KIRREL3: variants seen among roughly 807,000 people sequenced by gnomAD.
KIRREL3 encodes the protein kin of IRRE-like protein 3.
In KIRREL3, 36 loss-of-function variants were observed where a neutral mutation model predicts 89.7. That is an observed-to-expected ratio of 0.40 (90% CI 0.31 to 0.53). The LOEUF (loss-of-function observed/expected upper bound fraction) is 0.53. Ranked by LOEUF, KIRREL3 falls within the 20% of genes least tolerant of loss-of-function variation. The pLI is 0.49. For synonymous variants in KIRREL3, 445 were observed against 441.4 expected (o/e 1.01, Z -0.10); for missense variants, 864 against 1,056.6 (o/e 0.82, Z 2.53).
Position 126,805,963 on chromosome 11 carries a change from C to G in KIRREL3, c.55+194492G>C, listed in dbSNP as rs1005016776. ...CTGTCCTCTGAATGTGCCTGTGCCC[C>G]CAAATCCTCCCTTCAATGACATCAA... is the stretch of plus-strand genomic sequence containing the variant. On this transcript the variant is annotated intron_variant, in intron 1 of 16. Transcript: ENST00000525144. The surrounding 1 kb of genome is among the most constrained non-coding windows in gnomAD (Gnocchi z 4.3). Among the ~76,000 whole-genome samples, 1 of 152,160 alleles carries G rather than the reference C, an allele frequency of 6.6e-6. No individual in the cohort carries two copies. Among genetic ancestry groups the G allele is most frequent in the African/African-American group, 2.4e-5 (1 of 41,426 alleles).
At chr11:126,691,426 C>G (rs1350917251) in intron 1 of KIRREL3, among the ~76,000 whole-genome samples, 1 of 152,070 alleles carries the variant, frequency 6.6e-6, no homozygotes, top group African/African-American at 2.4e-5. Context: ...TTGTGGTGTG[C>G]CTATTTAATG....
rs147618027 is a variant in KIRREL3 at position 126,731,412 on chromosome 11, C to G, written c.56-168500G>C. The stretch of plus-strand genomic sequence containing the variant: ...TTACTTAGTCCTTCAAGACTCAGCC[C>G]GAATACCATTTCCTGGACAAAGCTT... On this transcript the variant is annotated intron_variant, in intron 1 of 16. Transcript: ENST00000525144. Among the ~76,000 whole-genome samples the G allele has an allele frequency of 8.1e-4, 123 of 152,336 alleles. 1 individual carries two copies. Among genetic ancestry groups the G allele is most frequent in the African/African-American group, 2.9e-3 (119 of 41,578 alleles).
rs1036710051 is a variant in KIRREL3 at position 126,652,551 on chromosome 11, A to G, written c.56-89639T>C. 6.6e-6 allele frequency among the ~76,000 whole-genome samples: 1 copy of G among 152,200 alleles called. No individual in the cohort carries two copies. Among genetic ancestry groups the G allele is most frequent in the African/African-American group, 2.4e-5 (1 of 41,444 alleles). Reference sequence around the variant, plus strand: ...GTCAGGGGGCTGTGGACAAGAGGTCAGGCCATTTGCCAAAGTCCTCCACTC... The same window carrying G: ...GTCAGGGGGCTGTGGACAAGAGGTCGGGCCATTTGCCAAAGTCCTCCACTC... On this transcript the variant is annotated intron_variant, in intron 1 of 16. Coordinates refer to ENST00000525144, the MANE Select transcript of KIRREL3 (RefSeq NM_032531.4). The surrounding 1 kb of genome is among the most constrained non-coding windows in gnomAD (Gnocchi z 4.9).
rs1255117098 is a variant in KIRREL3, at chr11:126,983,929, A to G, written c.55+16526T>C. On this transcript the variant is annotated intron_variant, in intron 1 of 16. Transcript: ENST00000525144. The surrounding 1 kb of genome is among the most constrained non-coding windows in gnomAD (Gnocchi z 4.9). ...ATGATTAACTATTTTTACTTCTCCCAAAAGTAGTACATATCTAGTATCATT... is the reference window on the plus strand; with the variant it reads ...ATGATTAACTATTTTTACTTCTCCCGAAAGTAGTACATATCTAGTATCATT... 6.6e-6 allele frequency among the ~76,000 whole-genome samples: 1 copy of G among 152,190 alleles called. No homozygotes were observed.
rs577173734 is a variant in KIRREL3 at position 126,761,628 on chromosome 11, G to T, written c.56-198716C>A. 2.6e-5 allele frequency among the ~76,000 whole-genome samples: 4 copies of T among 152,176 alleles called. No homozygotes were observed. The highest frequency in any genetic ancestry group is 1.3e-4 in the Admixed American group (2 of 15,274). On this transcript the variant is annotated intron_variant, in intron 1 of 16. Transcript: ENST00000525144. The surrounding 1 kb of genome is among the most constrained non-coding windows in gnomAD (Gnocchi z 4.4). ...TATGGTTACACTGTTATTACTTTGA[G>T]ACATAGTTACTCTTTCTTCTAAGGA...
chr11:127,000,344 C>T lies in KIRREL3; in HGVS notation c.55+111G>A, dbSNP rs754256608. 24 of 787,778 alleles carry T rather than the reference C, an allele frequency of 3.0e-5. No homozygotes were observed. Among genetic ancestry groups the T allele is most frequent in the South Asian group, 3.0e-4 (16 of 54,200 alleles). 48.8% of individuals were successfully genotyped at this position (787,778 alleles called of 1,614,324 possible). A position where few individuals can be genotyped will look rare whatever the true frequency, so the allele number is the denominator to read the frequency against. On this transcript the variant is annotated intron_variant, in intron 1 of 16. Coordinates refer to ENST00000525144, the MANE Select transcript of KIRREL3 (RefSeq NM_032531.4). This position sits in a 1 kb window ranked among gnomAD's most constrained non-coding sequence, Gnocchi z 7.1. The stretch of plus-strand genomic sequence containing the variant: ...AGCATCTCAGCCCGGCACCGAGAGA[C>T]GCATCCATCAGTCCGAGTTCCCGAA...
chr11:126,426,803 G>A (rs1246017773), intron 15 of KIRREL3, among the ~76,000 whole-genome samples: 1 of 152,146 alleles, frequency 6.6e-6, no homozygotes, highest in Non-Finnish European at 1.5e-5. Flanking sequence ...GCCAAAGTGC[G>A]GCCACCCGGC....
At position 126,797,676 on chromosome 11, in the gene KIRREL3, A is replaced by G. The variant is rs1950857174; in HGVS notation, c.55+202779T>C. ...GGAGTCTCAGCATCCAAGCACAATC[A>G]GCACTGGGTCGATGTATATGAGGAA... On this transcript the variant is annotated intron_variant, in intron 1 of 16. Coordinates refer to ENST00000525144, the MANE Select transcript of KIRREL3 (RefSeq NM_032531.4). The surrounding 1 kb of genome is among the most constrained non-coding windows in gnomAD (Gnocchi z 4.9). Among the ~76,000 whole-genome samples, 1 of 152,164 alleles carries G rather than the reference A, an allele frequency of 6.6e-6. No homozygotes were observed. Among genetic ancestry groups the G allele is most frequent in the African/African-American group, 2.4e-5 (1 of 41,438 alleles).
Position 126,621,436 on chromosome 11 carries a change from T to C in KIRREL3, c.56-58524A>G, listed in dbSNP as rs2134840262. On this transcript the variant is annotated intron_variant, in intron 1 of 16. Transcript: ENST00000525144. ...ATGTTCTGAATAATTTAATTTCATG[T>C]GCTCAAAGGCTTGAGAATCTGCAGA... 1.3e-5 allele frequency among the ~76,000 whole-genome samples: 2 copies of C among 152,358 alleles called. 1 individual carries two copies. Among genetic ancestry groups the C allele is most frequent in the Admixed American group, 1.3e-4 (2 of 15,308 alleles).
At chr11:126,781,276 A>G (rs1435195988) in intron 1 of KIRREL3, among the ~76,000 whole-genome samples, 1 of 152,170 alleles carries the variant, frequency 6.6e-6, no homozygotes, top group Non-Finnish European at 1.5e-5. Context: ...TGGATTGACT[A>G]CCTTAAAATT....
intron 2 of KIRREL3, chr11:126,549,942 G>C (rs1939126964): frequency 6.6e-6 from 1 of 152,182 alleles, no homozygotes; most frequent in African/African-American, 2.4e-5. Context: ...ATCTCACAGG[G>C]CTTATTTCTC....
At position 126,814,862 on chromosome 11, in the gene KIRREL3, C is replaced by T. The variant is rs947859585; in HGVS notation, c.55+185593G>A. 6.6e-5 allele frequency among the ~76,000 whole-genome samples: 10 copies of T among 152,070 alleles called. No individual in the cohort carries two copies. The highest frequency in any genetic ancestry group is 3.3e-4 in the Admixed American group (5 of 15,276). On this transcript the variant is annotated intron_variant, in intron 1 of 16. Coordinates refer to ENST00000525144, the MANE Select transcript of KIRREL3 (RefSeq NM_032531.4). The surrounding 1 kb of genome is among the most constrained non-coding windows in gnomAD (Gnocchi z 4.4). ...GATGGTGGTGGGTTCATCGGTGCAG[C>T]GAACCACCATGGCACACGTATCTAT...
Position 126,876,537 on chromosome 11 carries a change from GCT to G in KIRREL3, c.55+123916_55+123917del, listed in dbSNP as rs1945291485. ...GCTTACAGTACATACTCATAAATAT[GCT>G]TTTTTTTTTTTTTTTTGAGATGGAG... On this transcript the variant is annotated intron_variant, in intron 1 of 16. Coordinates refer to ENST00000525144, the MANE Select transcript of KIRREL3 (RefSeq NM_032531.4). The surrounding 1 kb of genome is among the most constrained non-coding windows in gnomAD (Gnocchi z 4.1). Among the ~76,000 whole-genome samples the G allele has an allele frequency of 9.4e-6, 1 of 106,426 alleles. No homozygotes were observed. Among genetic ancestry groups the G allele is most frequent in the African/African-American group, 3.6e-5 (1 of 27,690 alleles). The allele number at this position is 106,426 out of a possible 152,430, so 69.8% of individuals were successfully genotyped here.
In KIRREL3 at chr11:126,831,039, G is replaced by A. The variant is rs1055908038; in HGVS notation, c.55+169416C>T. On this transcript the variant is annotated intron_variant, in intron 1 of 16. Transcript: ENST00000525144. Reference sequence around the variant, plus strand: ...GGACTGTGGATCATAGGAGATTGGGGTTGAAGCCTGGCACTGCTACTTATT... The same window carrying A: ...GGACTGTGGATCATAGGAGATTGGGATTGAAGCCTGGCACTGCTACTTATT... 7.2e-5 allele frequency among the ~76,000 whole-genome samples: 11 copies of A among 152,316 alleles called. 1 individual carries two copies. Among genetic ancestry groups the A allele is most frequent in the Non-Finnish European group, 1.6e-4 (11 of 68,030 alleles).
chr11:126,735,081 A>C (rs1372462287), intron 1 of KIRREL3, among the ~76,000 whole-genome samples: 1 of 152,212 alleles, frequency 6.6e-6, no homozygotes. Flanking sequence ...CTGCTGCCTG[A>C]TGGAGGAACA....
rs1330971700 is a variant in KIRREL3 at position 126,523,297 on chromosome 11, C to T, written c.284-1833G>A. On this transcript the variant is annotated intron_variant, in intron 3 of 16. Transcript: ENST00000525144. This position sits in a 1 kb window ranked among gnomAD's most constrained non-coding sequence, Gnocchi z 4.9. ...AGATCAGACTAGAGGAGCTTGAAGG[C>T]CCCTCTCACCACCATAAGTGAAGGT... Among the ~76,000 whole-genome samples, 1 of 152,160 alleles carries T rather than the reference C, an allele frequency of 6.6e-6. No homozygotes were observed. Among genetic ancestry groups the T allele is most frequent in the Non-Finnish European group, 1.5e-5 (1 of 68,038 alleles).
In KIRREL3 at chr11:126,797,950, G is replaced by A. The variant is rs1950864744; in HGVS notation, c.55+202505C>T. Among the ~76,000 whole-genome samples, 1 of 152,176 alleles carries A rather than the reference G, an allele frequency of 6.6e-6. No homozygotes were observed. Among genetic ancestry groups the A allele is most frequent in the Admixed American group, 6.5e-5 (1 of 15,274 alleles). On this transcript the variant is annotated intron_variant, in intron 1 of 16. Transcript: ENST00000525144. This position sits in a 1 kb window ranked among gnomAD's most constrained non-coding sequence, Gnocchi z 4.9. ...ATGGACACTGCAAAGTAACACATGG[G>A]CTGTTTGTGCTTTTGCTAACTCCTG...
chr11:126,456,479 T>C, intron 6 of KIRREL3, 25 bp from the exon 7 acceptor site: 1 of 1,457,968 alleles, frequency 6.9e-7, no homozygotes, highest in Non-Finnish European at 9.4e-7. Flanking sequence ...GAGTCACTTG[T>C]AGACCGGAGA....
At chr11:126,560,118 C>A (rs567149376) in intron 2 of KIRREL3, among the ~76,000 whole-genome samples, 1 of 152,300 alleles carries the variant, frequency 6.6e-6, no homozygotes, top group South Asian at 2.1e-4. Context: ...ATATAAAGCA[C>A]ATGTGCTTAA....
Sources: allele counts gnomAD v4.1 joint callset (sites outside exome capture counted in the v4.1 genomes callset), GRCh38; gene constraint gnomAD v4.1.1; non-coding constraint Gnocchi (gnomAD v3.1); transcripts MANE v1.5; gene names NCBI Gene and HGNC (gene_info 2026-07-23, HGNC 2026-07-21).